FOXP2: variants seen among roughly 807,000 people sequenced by gnomAD.
The protein encoded by FOXP2 is forkhead box protein P2.
Under a neutral mutation model 115.8 loss-of-function variants are expected in FOXP2, and 12 were observed. That is an observed-to-expected ratio of 0.10 (90% confidence interval 0.07 to 0.17). The LOEUF (loss-of-function observed/expected upper bound fraction) is 0.17, where lower values mean the gene tolerates loss of function less well. Among genes scored for constraint, FOXP2 ranks in the 10% least tolerant of loss-of-function variants. FOXP2 has a pLI of 1.00. For missense variants in FOXP2, 629 were observed against 843.5 expected, an observed-to-expected ratio of 0.75 and a Z score of 3.15; for synonymous variants, 328 against 297.7, an observed-to-expected ratio of 1.10 and a Z score of -1.05.
At chr7:114,374,015 G>C (rs994540532) in intron 2 of FOXP2, among the ~76,000 whole-genome samples, 1 of 151,866 alleles carries the variant, frequency 6.6e-6, no homozygotes, top group Non-Finnish European at 1.5e-5. Flanking sequence ...ACATCTCCTT[G>C]TACACATTTT....
At chr7:114,516,736 C>T (rs1408614034) in intron 2 of FOXP2, among the ~76,000 whole-genome samples, 2 of 151,410 alleles carry the variant, frequency 1.3e-5, no homozygotes, top group African/African-American at 4.9e-5. Flanking sequence ...CACACTGTTG[C>T]CAAGGCTGGA....
At chr7:114,524,423 CTTTA>C (rs1270402554) in intron 2 of FOXP2, among the ~76,000 whole-genome samples, 1 of 152,028 alleles carries the variant, frequency 6.6e-6, no homozygotes, top group Non-Finnish European at 1.5e-5. Context: ...CTGAACAGCT[CTTTA>C]TTTGAGTCTT....
intron 2 of FOXP2, 118 bp downstream of exon 2, chr7:114,426,797 T>G: frequency 9.1e-7 from 1 of 1,097,918 alleles, no homozygotes; most frequent in Non-Finnish European, 1.3e-6. Context: ...GCTGAGAATT[T>G]ATTATTATTT....
chr7:114,274,674 G>T (rs1796143444), intron 1 of FOXP2, among the ~76,000 whole-genome samples: 1 of 139,640 alleles, frequency 7.2e-6, no homozygotes, highest in Middle Eastern at 4.4e-3. Context: ...GAGTGCAGTG[G>T]CACGATCTCG....
At chr7:114,593,107 T>G (rs537073390) in intron 3 of FOXP2, among the ~76,000 whole-genome samples, 3 of 152,094 alleles carry the variant, frequency 2.0e-5, no homozygotes, top group Non-Finnish European at 4.4e-5. Context: ...TCAGTTGTTT[T>G]TTAAAAAAAG....
At chr7:114,588,154 A>G (rs1026533353) in intron 3 of FOXP2, among the ~76,000 whole-genome samples, 1 of 151,668 alleles carries the variant, frequency 6.6e-6, no homozygotes, top group African/African-American at 2.4e-5. Flanking sequence ...CTAAAAATAC[A>G]AAAAAATTAG....
intron 1 of FOXP2, among the ~76,000 whole-genome samples, chr7:114,198,366 C>T (rs973152661): frequency 6.6e-6 from 1 of 152,056 alleles, no homozygotes; most frequent in Non-Finnish European, 1.5e-5. Context: ...CTAGTGGTCC[C>T]CAACATTTTT....
chr7:114,237,346 G>T (rs1449234890), intron 1 of FOXP2, among the ~76,000 whole-genome samples: 2 of 152,062 alleles, frequency 1.3e-5, no homozygotes, highest in Non-Finnish European at 2.9e-5. Context: ...AAAAAGTATT[G>T]AGTTACACAG....
chr7:114,631,410 T>A lies in FOXP2; in HGVS notation c.598-118T>A, dbSNP rs983545396. On this transcript the variant is annotated intron_variant, in intron 5 of 16. Coordinates refer to ENST00000350908, the MANE Select transcript of FOXP2 (RefSeq NM_014491.4). ...TCACATTCTGCCCCTGAACTTTGAC[T>A]ATGGGATGACCAAAAAACCCACTCA... The A allele has an allele frequency of 1.3e-5, 20 of 1,520,102 alleles. 1 individual carries two copies. In the Admixed American group the frequency reaches 2.6e-4, roughly 19 times the overall value. The allele number at this position is 1,520,102 out of a possible 1,614,324, so 94.2% of individuals were successfully genotyped here.
At chr7:114,346,585 C>A (rs1791354586) in intron 2 of FOXP2, among the ~76,000 whole-genome samples, 1 of 151,720 alleles carries the variant, frequency 6.6e-6, no homozygotes, top group Non-Finnish European at 1.5e-5. Context: ...CAATGGAATA[C>A]TATTCAGCCG....
intron 2 of FOXP2, among the ~76,000 whole-genome samples, chr7:114,431,556 A>G (rs1202781519): frequency 6.6e-6 from 1 of 151,918 alleles, no homozygotes; most frequent in Non-Finnish European, 1.5e-5. Flanking sequence ...TGGAATTTTT[A>G]TGTTAAGTTC....
chr7:114,261,427 T>G lies in FOXP2; in HGVS notation c.-101-26592T>G, dbSNP rs188035928. Among the ~76,000 whole-genome samples the G allele has an allele frequency of 2.8e-4, 42 of 152,332 alleles. 1 individual carries two copies. Among genetic ancestry groups the G allele is most frequent in the Admixed American group, 2.4e-3 (36 of 15,300 alleles). On this transcript the variant is annotated intron_variant, in intron 1 of 17. Coordinates refer to the FOXP2 transcript ENST00000634411. ...CTCTGCACTCCTATTCCTTGCGTGT[T>G]TCATTGTATTTTGATTATCTAAGGA...
intron 3 of FOXP2, among the ~76,000 whole-genome samples, chr7:114,539,731 A>T (rs949918848): frequency 6.6e-6 from 1 of 152,070 alleles, no homozygotes; most frequent in African/African-American, 2.4e-5. Context: ...GTTTCTATCC[A>T]TGACCAGCTG....
chr7:114,270,881 C>A (rs1291279734), intron 1 of FOXP2, among the ~76,000 whole-genome samples: 2 of 152,020 alleles, frequency 1.3e-5, no homozygotes, highest in Non-Finnish European at 2.9e-5. Flanking sequence ...AAAATCATCA[C>A]TATACCTAAG....
chr7:114,348,969 A>T (rs1791413133), intron 2 of FOXP2, among the ~76,000 whole-genome samples: 1 of 152,088 alleles, frequency 6.6e-6, no homozygotes, highest in Non-Finnish European at 1.5e-5. Flanking sequence ...ATCTTGTGGT[A>T]ATATAAGGAC....
chr7:114,630,505 CA>C (rs2129327803), intron 5 of FOXP2: 1 of 179,506 alleles, frequency 5.6e-6, no homozygotes, highest in Admixed American at 5.4e-5. Context: ...GCTCATAAAT[CA>C]AACTGACAAG....
At chr7:114,144,646 A>G (rs1297060892) in intron 1 of FOXP2, among the ~76,000 whole-genome samples, 2 of 152,140 alleles carry the variant, frequency 1.3e-5, no homozygotes, top group Non-Finnish European at 2.9e-5. Context: ...TATTATGTAA[A>G]TTATTAAACT....
intron 2 of FOXP2, among the ~76,000 whole-genome samples, chr7:114,463,718 G>A (rs1795680611): frequency 6.6e-6 from 1 of 152,176 alleles, no homozygotes; most frequent in African/African-American, 2.4e-5. Context: ...TTAGTTTGGT[G>A]GTAGGAGGGA....
At chr7:114,149,292 T>G (rs1337977595) in intron 1 of FOXP2, among the ~76,000 whole-genome samples, 1 of 152,044 alleles carries the variant, frequency 6.6e-6, no homozygotes, top group Non-Finnish European at 1.5e-5. Context: ...TTGTGAACAG[T>G]GGTCTTGACT....
Sources: allele counts gnomAD v4.1 joint callset (sites outside exome capture counted in the v4.1 genomes callset), GRCh38; gene constraint gnomAD v4.1.1; transcripts MANE v1.5; gene names NCBI Gene and HGNC (gene_info 2026-07-23, HGNC 2026-07-21).